The following EIF4G3 variants were observed in gnomAD, a reference collection of about 807,000 sequenced individuals.
EIF4G3 encodes eIF-4-gamma 3.
In EIF4G3, 34 loss-of-function variants were observed where a neutral mutation model predicts 186.4. The observed-to-expected ratio is 0.18, with a 90% confidence interval of 0.14 to 0.24. The LOEUF (loss-of-function observed/expected upper bound fraction) is 0.24, where lower values mean the gene tolerates loss of function less well. EIF4G3 is among the 10% of genes least tolerant of loss of function. The pLI is 1.00. For synonymous variants in EIF4G3, 673 were observed against 679.5 expected, an observed-to-expected ratio of 0.99 and a Z score of 0.15; for missense variants, 1,536 against 1,948.5, an observed-to-expected ratio of 0.79 and a Z score of 3.99.
intron 30 of EIF4G3, among the ~76,000 whole-genome samples, chr1:20,836,994 C>A (rs897200251): frequency 1.3e-5 from 2 of 152,110 alleles, no homozygotes; most frequent in African/African-American, 4.8e-5. Context: ...GTTTTCTTTG[C>A]GGAGATATGT....
In EIF4G3 at chr1:20,810,156, T is replaced by G. The variant is rs562228252; in HGVS notation, c.4744+582A>C. ...CACACCTAGCCAATTTTTGTATTTT[T>G]GTATTTTTTTTTTTTTTGAGATAGA... On this transcript the variant is annotated intron_variant, in intron 36 of 36. Coordinates refer to ENST00000602326, the MANE Select transcript of EIF4G3 (RefSeq NM_001391906.1). The surrounding 1 kb of genome is among the most constrained non-coding windows in gnomAD (Gnocchi z 4.1). Among the ~76,000 whole-genome samples the G allele has an allele frequency of 3.3e-5, 5 of 151,310 alleles. No homozygotes were observed. Among genetic ancestry groups the G allele is most frequent in the Non-Finnish European group, 5.9e-5 (4 of 67,906 alleles).
chr1:20,872,910 T>C (rs1458610893), intron 20 of EIF4G3, among the ~76,000 whole-genome samples: 1 of 152,048 alleles, frequency 6.6e-6, no homozygotes, highest in Admixed American at 6.6e-5. Context: ...CTAATTTTTG[T>C]ATTTTTAGTA....
chr1:21,105,480 G>T (rs2096600661), intron 2 of EIF4G3, among the ~76,000 whole-genome samples: 1 of 150,468 alleles, frequency 6.6e-6, no homozygotes. Flanking sequence ...ACCATGACAT[G>T]CAATTTATCT....
chr1:21,117,792 C>T (rs1040071393), intron 2 of EIF4G3, among the ~76,000 whole-genome samples: 4 of 139,488 alleles, frequency 2.9e-5, no homozygotes, highest in Admixed American at 7.9e-5. Flanking sequence ...ATGGGGAGTT[C>T]GCCTCTTTAG....
chr1:21,158,554 T>TCAAAA (rs1353539899), intron 2 of EIF4G3, among the ~76,000 whole-genome samples: 1 of 152,120 alleles, frequency 6.6e-6, no homozygotes, highest in African/African-American at 2.4e-5. Flanking sequence ...AATACTTATT[T>TCAAAA]CAACTTAGCT....
chr1:20,893,700 A>C, intron 17 of EIF4G3, 64 bp from the exon 18 acceptor site: 1 of 1,425,770 alleles, frequency 7.0e-7, no homozygotes, highest in Non-Finnish European at 9.3e-7. Context: ...ACAAAAGATA[A>C]CAAAAATTTT....
intron 24 of EIF4G3, among the ~76,000 whole-genome samples, chr1:20,859,817 T>C (rs1338944215): frequency 6.6e-6 from 1 of 152,210 alleles, no homozygotes; most frequent in African/African-American, 2.4e-5. Flanking sequence ...GGTCTCAAAC[T>C]CCTGACCTCA....
intron 30 of EIF4G3, among the ~76,000 whole-genome samples, chr1:20,833,649 T>C (rs557523006): frequency 1.3e-5 from 2 of 152,256 alleles, no homozygotes; most frequent in South Asian, 4.1e-4. Context: ...CTATGTTGAA[T>C]AGGAAATCAA....
intron 6 of EIF4G3, chr1:20,999,300 A>G: frequency 2.9e-6 from 1 of 340,742 alleles, no homozygotes; most frequent in South Asian, 2.4e-5. Context: ...CTCTTCAAAG[A>G]AATTGAGGTC....
intron 4 of EIF4G3, among the ~76,000 whole-genome samples, chr1:21,036,173 AC>A (rs2093180409): frequency 6.6e-6 from 1 of 150,984 alleles, no homozygotes; most frequent in East Asian, 2.0e-4. Flanking sequence ...AGCTGCAGAG[AC>A]AATGGGACAA....
chr1:20,919,698 G>A (rs1427920950), intron 14 of EIF4G3, among the ~76,000 whole-genome samples: 2 of 152,072 alleles, frequency 1.3e-5, no homozygotes, highest in African/African-American at 4.8e-5. Flanking sequence ...GGGAGACACA[G>A]CGTCTACAAA....
intron 19 of EIF4G3, 75 bp from the exon 20 acceptor site, chr1:20,879,595 T>C (rs1012643136): frequency 1.1e-6 from 1 of 892,944 alleles, no homozygotes; most frequent in African/African-American, 1.7e-5. Context: ...TGATTAATTT[T>C]AAAAATAATA....
intron 4 of EIF4G3, among the ~76,000 whole-genome samples, chr1:21,011,472 C>T (rs181887083): frequency 3.9e-5 from 6 of 152,262 alleles, no homozygotes; most frequent in African/African-American, 7.2e-5. Context: ...AAAACCACAT[C>T]GATACAATCC....
intron 14 of EIF4G3, among the ~76,000 whole-genome samples, chr1:20,906,021 G>C (rs2091980214): frequency 6.6e-6 from 1 of 152,076 alleles, no homozygotes; most frequent in Non-Finnish European, 1.5e-5. Context: ...AGAAAAAGGA[G>C]ACGTTTAATA....
At chr1:20,987,289 T>C (rs978724514) in intron 7 of EIF4G3, among the ~76,000 whole-genome samples, 1 of 152,234 alleles carries the variant, frequency 6.6e-6, no homozygotes, top group African/African-American at 2.4e-5. Flanking sequence ...AAAACATCTT[T>C]TCATTTTCAG....
At chr1:21,087,326 A>C (rs2096019241) in intron 3 of EIF4G3, among the ~76,000 whole-genome samples, 1 of 152,190 alleles carries the variant, frequency 6.6e-6, no homozygotes, top group East Asian at 1.9e-4. Context: ...CTAACTTTTA[A>C]ATTTTCTTTC....
intron 35 of EIF4G3, among the ~76,000 whole-genome samples, chr1:20,811,942 TTTG>T (rs1299382577): frequency 6.6e-5 from 10 of 152,198 alleles, no homozygotes; most frequent in African/African-American, 2.4e-4. Flanking sequence ...TTGGAACCAT[TTTG>T]TTATTACTAG....
chr1:20,945,568 C>A (rs1367254161), intron 13 of EIF4G3, among the ~76,000 whole-genome samples: 2 of 152,174 alleles, frequency 1.3e-5, no homozygotes, highest in South Asian at 2.1e-4. Context: ...CAGGCTCAAG[C>A]AATCCTCCTA....
In EIF4G3 at chr1:20,914,776, A is replaced by C. The variant is rs531395698; in HGVS notation, c.1664-9805T>G. Reference sequence around the variant, plus strand: ...TAAACATATGGGGGATTTTCCAGAGATATTTTTCTCACTGATTTCCAACTT... The same window carrying C: ...TAAACATATGGGGGATTTTCCAGAGCTATTTTTCTCACTGATTTCCAACTT... On this transcript the variant is annotated intron_variant, in intron 14 of 36. Transcript: ENST00000602326. 2.4e-3 allele frequency among the ~76,000 whole-genome samples: 359 copies of C among 152,320 alleles called. 2 individuals carry two copies. The highest frequency in any genetic ancestry group is 3.6e-3 in the Non-Finnish European group (246 of 68,024).
Sources: allele counts gnomAD v4.1 joint callset (sites outside exome capture counted in the v4.1 genomes callset), GRCh38; gene constraint gnomAD v4.1.1; non-coding constraint Gnocchi (gnomAD v3.1); transcripts MANE v1.5; gene names NCBI Gene and HGNC (gene_info 2026-07-23, HGNC 2026-07-21).